PREX1: variants seen among roughly 807,000 people sequenced by gnomAD.
The protein encoded by PREX1 is phosphatidylinositol 3,4,5-trisphosphate-dependent Rac exchanger 1 protein.
PREX1 carries 41 observed loss-of-function variants against 198.3 expected under a neutral mutation model. That is an observed-to-expected ratio of 0.21 (90% CI 0.16 to 0.27). The LOEUF is 0.27. PREX1 is among the 10% of genes least tolerant of loss of function. The probability of loss-of-function intolerance (pLI) is 1.00; values close to 1 mark genes in which losing one functional copy is unlikely to be tolerated. For synonymous variants in PREX1, 843 were observed against 887.2 expected, an observed-to-expected ratio of 0.95 and a Z score of 0.89; for missense variants, 1,620 against 2,200.7, an observed-to-expected ratio of 0.74 and a Z score of 5.28.
chr20:48,773,610 C>T (rs1302084714), intron 1 of PREX1, among the ~76,000 whole-genome samples: 1 of 152,218 alleles, frequency 6.6e-6, no homozygotes, highest in African/African-American at 2.4e-5. Context: ...GGAATACCAC[C>T]TGCAGAGGAA....
chr20:48,771,304 G>A (rs1261204841), intron 1 of PREX1, among the ~76,000 whole-genome samples: 1 of 151,066 alleles, frequency 6.6e-6, no homozygotes, highest in East Asian at 1.9e-4. Flanking sequence ...GTTTCAATGA[G>A]TAACCTGGTA....
chr20:48,822,796 T>A (rs569861157), intron 1 of PREX1, among the ~76,000 whole-genome samples: 79 of 152,306 alleles, frequency 5.2e-4, no homozygotes, highest in Non-Finnish European at 1.0e-3. Context: ...GGTTATTGTT[T>A]ATTTTCCAAA....
intron 15 of PREX1, among the ~76,000 whole-genome samples, chr20:48,663,801 T>C (rs2089614058): frequency 6.6e-6 from 1 of 152,140 alleles, no homozygotes; most frequent in African/African-American, 2.4e-5. Flanking sequence ...CCCAGCCATA[T>C]CCTCCTTCCC....
At chr20:48,881,968 C>T in the PREX1 span, among the ~76,000 whole-genome samples, 5 of 149,206 alleles carry the variant, frequency 3.4e-5, no homozygotes, top group Non-Finnish European at 5.9e-5. Context: ...TGTCTCTATG[C>T]ACTCCCCTAT....
chr20:48,805,949 A>G (rs912633148), intron 1 of PREX1, among the ~76,000 whole-genome samples: 1 of 152,216 alleles, frequency 6.6e-6, no homozygotes, highest in Admixed American at 6.5e-5. Context: ...ACATGTGCTG[A>G]GCTCTCAGGA....
At chr20:48,744,199 A>G (rs6019397) in intron 3 of PREX1, among the ~76,000 whole-genome samples, 62,715 of 151,990 alleles carry the variant, frequency 0.41, 13,244 homozygotes, top group Admixed American at 0.46. Context: ...CTCTAGAGCT[A>G]GGACAACCAA....
At chr20:48,674,431 C>G (rs942485848) in intron 14 of PREX1, among the ~76,000 whole-genome samples, 4 of 152,186 alleles carry the variant, frequency 2.6e-5, no homozygotes, top group Non-Finnish European at 4.4e-5. Context: ...ATTAATGAGG[C>G]CAACATAAAG....
Position 48,642,435 on chromosome 20 carries a change from T to C in PREX1, c.3656A>G (p.His1219Arg). 2.5e-6 allele frequency: 4 copies of C among 1,613,560 alleles called. No individual in the cohort carries two copies. Among genetic ancestry groups the C allele is most frequent in the South Asian group, 1.1e-5 (1 of 91,048 alleles). ...RIPSDKQDKL[H>R]GCLEHLFNQV... ...GTTAAAGAGGTGCTCCAGGCAGCCA[T>C]GAAGCTTGTCCTGCTTGTCAGATGG... The change falls in exon 28 of 40, where the codon CAT becomes CGT. Residue 1219 changes from histidine (H) to arginine (R), a missense_variant. Physicochemically the swap from His to Arg is conservative, Grantham distance 29 (BLOSUM62 0). Transcript: ENST00000371941.
chr20:48,876,863 G>A, the PREX1 span, among the ~76,000 whole-genome samples: 1 of 152,136 alleles, frequency 6.6e-6, no homozygotes, highest in African/African-American at 2.4e-5. Context: ...AACCATTGGG[G>A]TATCTGAATC....
intron 29 of PREX1, among the ~76,000 whole-genome samples, chr20:48,640,156 A>G (rs2089398564): frequency 6.6e-6 from 1 of 152,192 alleles, no homozygotes; most frequent in African/African-American, 2.4e-5. Flanking sequence ...GCTATAGCCA[A>G]TCCAGTGCAG....
At chr20:48,733,087 A>C (rs2090041850) in intron 4 of PREX1, among the ~76,000 whole-genome samples, 1 of 152,190 alleles carries the variant, frequency 6.6e-6, no homozygotes, top group Non-Finnish European at 1.5e-5. Flanking sequence ...GTTTATCTTG[A>C]CTCATACACA....
At chr20:48,738,283 G>A (rs530987082) in intron 3 of PREX1, among the ~76,000 whole-genome samples, 11 of 152,306 alleles carry the variant, frequency 7.2e-5, no homozygotes, top group African/African-American at 2.6e-4. Flanking sequence ...TGCAGGAGAG[G>A]GGGTAACAAG....
intron 1 of PREX1, among the ~76,000 whole-genome samples, chr20:48,800,113 T>G (rs6012532): frequency 6.2e-4 from 94 of 152,278 alleles, no homozygotes; most frequent in African/African-American, 2.1e-3. Flanking sequence ...AACTTTACAC[T>G]CATTTAAACT....
intron 14 of PREX1, among the ~76,000 whole-genome samples, chr20:48,674,331 G>A (rs1001618893): frequency 1.3e-5 from 2 of 152,210 alleles, no homozygotes; most frequent in Admixed American, 6.5e-5. Context: ...AATTGGCTGT[G>A]ATTTATCAGC....
intron 4 of PREX1, among the ~76,000 whole-genome samples, chr20:48,728,236 T>G (rs1399884084): frequency 2.6e-5 from 4 of 152,206 alleles, no homozygotes; most frequent in Non-Finnish European, 4.4e-5. Flanking sequence ...CTGCTTATAT[T>G]CAAGTGAAAA....
intron 1 of PREX1, among the ~76,000 whole-genome samples, chr20:48,795,954 C>T (rs1270930333): frequency 3.9e-5 from 6 of 152,124 alleles, no homozygotes; most frequent in Admixed American, 1.3e-4. Context: ...AGGTTCACAT[C>T]GATGTGTGGC....
chr20:48,656,565 C>T (rs2089545172), intron 18 of PREX1: 2 of 456,832 alleles, frequency 4.4e-6, no homozygotes, highest in Non-Finnish European at 8.8e-6. Context: ...GCTTCCCCTG[C>T]CTGGAGCCCT....
At chr20:48,832,112 G>T (rs1250132709), upstream of PREX1, among the ~76,000 whole-genome samples, 4 of 126,414 alleles carry the variant, frequency 3.2e-5, no homozygotes, top group Non-Finnish European at 7.0e-5. Context: ...GGAGGAAGAA[G>T]AAAAAAAAAA....
chr20:48,797,264 A>T (rs2090367102), intron 1 of PREX1, among the ~76,000 whole-genome samples: 1 of 151,870 alleles, frequency 6.6e-6, no homozygotes, highest in Non-Finnish European at 1.5e-5. Context: ...AAAAAAGCCA[A>T]ATGGGAATCA....
Sources: allele counts gnomAD v4.1 joint callset (sites outside exome capture counted in the v4.1 genomes callset), GRCh38; gene constraint gnomAD v4.1.1; transcripts MANE v1.5; gene names NCBI Gene and HGNC (gene_info 2026-07-23, HGNC 2026-07-21).